Variants in GTF2I observed in about 807,000 individuals in gnomAD.
The protein encoded by GTF2I is general transcription factor II-I.
In GTF2I, 12 loss-of-function variants were observed where a neutral mutation model predicts 67.6. The ratio of observed to expected loss-of-function variants is 0.18; its 90% CI spans 0.11 to 0.29. The LOEUF (loss-of-function observed/expected upper bound fraction) is 0.29. Ranked by LOEUF, GTF2I falls within the 10% of genes least tolerant of loss-of-function variation. GTF2I has a pLI of 1.00. For synonymous variants in GTF2I, 149 were observed against 197.0 expected, an observed-to-expected ratio of 0.76 and a Z score of 2.04; for missense variants, 271 against 580.1, an observed-to-expected ratio of 0.47 and a Z score of 5.47.
intron 1 of GTF2I, among the ~76,000 whole-genome samples, chr7:74,676,584 GA>G (rs1253359306): frequency 2.8e-4 from 42 of 151,346 alleles, no homozygotes; most frequent in African/African-American, 6.6e-4. Flanking sequence ...CACATGTCTA[GA>G]AAAAAAAATT....
chr7:74,727,832 G>A (rs1794047709), intron 12 of GTF2I: 1 of 152,216 alleles, frequency 6.6e-6, no homozygotes, highest in African/African-American at 2.4e-5. Flanking sequence ...AGTTCCTGGT[G>A]TATCCACAAG....
Position 74,753,901 on chromosome 7 carries a change from TA to T in GTF2I, c.2699del (p.Asn900ThrfsTer6). 3.0e-6 allele frequency: 1 copy of T among 327,910 alleles called. No individual in the cohort carries two copies. Among genetic ancestry groups the T allele is most frequent in the Non-Finnish European group, 4.0e-6 (1 of 247,532 alleles). 20.3% of individuals were successfully genotyped at this position (327,910 alleles called of 1,614,324 possible). A position where few individuals can be genotyped will look rare whatever the true frequency, so the allele number is the denominator to read the frequency against. On this transcript the variant is annotated frameshift_variant, in exon 30 of 35. Transcript: ENST00000573035. LOFTEE classifies it high-confidence loss of function. ...AAGTTCCCTACAGGAAAATCACAAT[TA>T]ACCCTGGCTGTGTGGTAGTTGATGG... is the stretch of plus-strand genomic sequence containing the variant. ...VKVPYRKITI[N>X]PGCVVVDGMP...
chr7:74,699,367 A>T (rs191763001), intron 4 of GTF2I: 1 of 173,872 alleles, frequency 5.8e-6, no homozygotes, highest in Non-Finnish European at 1.2e-5. Context: ...ATCTCAGCTC[A>T]CTGCAATCTC....
At chr7:74,749,843 G>A (rs1269079518) in intron 26 of GTF2I, among the ~76,000 whole-genome samples, 28 of 132,884 alleles carry the variant, frequency 2.1e-4, no homozygotes, top group African/African-American at 7.0e-4. Flanking sequence ...AGCCAAGATC[G>A]TGCCACTGCA....
At chr7:74,703,672 G>T (rs782309169) in intron 6 of GTF2I, among the ~76,000 whole-genome samples, 1 of 152,162 alleles carries the variant, frequency 6.6e-6, no homozygotes, top group East Asian at 1.9e-4. Context: ...GAGCCACTGC[G>T]CCTGGCCCTC....
chr7:74,674,449 C>A (rs1410538569), intron 1 of GTF2I, among the ~76,000 whole-genome samples: 1 of 152,154 alleles, frequency 6.6e-6, no homozygotes, highest in Non-Finnish European at 1.5e-5. Flanking sequence ...TAGAGACTTG[C>A]ATTCAAGTTC....
In GTF2I at chr7:74,691,123, A is replaced by G. The variant is rs1355808907; in HGVS notation, c.238+12A>G. On this transcript the variant is annotated intron_variant, in intron 3 of 34. Coordinates refer to ENST00000573035, the MANE Select transcript of GTF2I (RefSeq NM_032999.4). Reference sequence around the variant, plus strand: ...TTTTGTAAAATATTGTAAGCATTGTATTTTTATCTTTTGCATTTCATTAAT... The same window carrying G: ...TTTTGTAAAATATTGTAAGCATTGTGTTTTTATCTTTTGCATTTCATTAAT... 1.9e-6 allele frequency: 3 copies of G among 1,552,910 alleles called. No individual in the cohort carries two copies. Among genetic ancestry groups the G allele is most frequent in the African/African-American group, 1.4e-5 (1 of 73,204 alleles).
Position 74,718,883 on chromosome 7 carries a change from T to C in GTF2I, c.885T>C (p.Ser295=), listed in dbSNP as rs1792586462. 6.6e-7 allele frequency: 1 copy of C among 1,523,466 alleles called. No homozygotes were observed. Among genetic ancestry groups the C allele is most frequent in the Non-Finnish European group, 9.0e-7 (1 of 1,113,122 alleles). The allele number at this position is 1,523,466 out of a possible 1,614,324, so 94.4% of individuals were successfully genotyped here. A position where few individuals can be genotyped will look rare whatever the true frequency, so the allele number is the denominator to read the frequency against. The stretch of plus-strand genomic sequence containing the variant: ...TAGAATTTTATTTTTTTCAAGATTC[T>C]ACTCAACATGTCCCTTCAGAAACAA... ...GTEMEVPAED[S]TQHVPSETSE... is the part of the protein sequence containing the mutation. The change falls in exon 12 of 35, where the codon TCT becomes TCC. Residue 295 remains serine (S), a synonymous_variant. Transcript: ENST00000573035.
intron 12 of GTF2I, among the ~76,000 whole-genome samples, chr7:74,724,889 C>T (rs1793558677): frequency 6.6e-6 from 1 of 152,172 alleles, no homozygotes; most frequent in Non-Finnish European, 1.5e-5. Flanking sequence ...CCACTGCCCA[C>T]TGCACTCCCA....
At chr7:74,691,223 T>G (rs1788267394) in intron 3 of GTF2I, 112 bp downstream of exon 3, 2 of 780,548 alleles carry the variant, frequency 2.6e-6, no homozygotes, top group Non-Finnish European at 3.9e-6. Flanking sequence ...TTTTTTTTTT[T>G]GAGATGGAGT....
chr7:74,703,689 G>A (rs1299363897), intron 6 of GTF2I, among the ~76,000 whole-genome samples: 1 of 152,156 alleles, frequency 6.6e-6, no homozygotes, highest in Non-Finnish European at 1.5e-5. Context: ...CCTCACTTAA[G>A]CTTTTGACTT....
In GTF2I at chr7:74,689,197, G is replaced by A. The variant is rs1186001613; in HGVS notation, c.69G>A (p.Val23=). The change falls in exon 2 of 35, where the codon GTG becomes GTA. Residue 23 remains valine (V), a synonymous_variant. Coordinates refer to ENST00000573035, the MANE Select transcript of GTF2I (RefSeq NM_032999.4). ...AGTCCTCGGAGAGCAGGATGGTGGT[G>A]ACATTCCTCATGTCAGCTCTCGAGT... The part of the protein sequence containing the change: ...DEESSESRMV[V]TFLMSALESM... The A allele has an allele frequency of 6.2e-7, 1 of 1,611,078 alleles. No individual in the cohort carries two copies. The highest frequency in any genetic ancestry group is 8.5e-7 in the Non-Finnish European group (1 of 1,177,580).
chr7:74,689,457 C>T (rs888506790), intron 2 of GTF2I, among the ~76,000 whole-genome samples: 3 of 145,660 alleles, frequency 2.1e-5, no homozygotes, highest in Admixed American at 7.1e-5. Flanking sequence ...CGGGTTCAAG[C>T]GATTCTCCTG....
At chr7:74,701,014 GA>G (rs1365274789) in intron 6 of GTF2I, among the ~76,000 whole-genome samples, 19 of 152,352 alleles carry the variant, frequency 1.2e-4, no homozygotes, top group Admixed American at 9.1e-4. Flanking sequence ...TCTCACGGAA[GA>G]GAGAAAATTC....
intron 8 of GTF2I, among the ~76,000 whole-genome samples, 175 bp downstream of exon 8, chr7:74,706,608 G>C (rs911586483): frequency 2.0e-5 from 3 of 152,102 alleles, no homozygotes; most frequent in Admixed American, 1.3e-4. Flanking sequence ...GACCCAGAAA[G>C]GTAATTTGCT....
At chr7:74,721,510 G>A (rs587716382) in intron 12 of GTF2I, among the ~76,000 whole-genome samples, 97 of 152,014 alleles carry the variant, frequency 6.4e-4, no homozygotes, top group African/African-American at 2.0e-3. Flanking sequence ...CATGTCATAT[G>A]TGCATATACA....
At chr7:74,748,597 A>AT (rs1319229942) in intron 24 of GTF2I, among the ~76,000 whole-genome samples, 1 of 149,810 alleles carries the variant, frequency 6.7e-6, no homozygotes, top group Non-Finnish European at 1.5e-5. Flanking sequence ...AAGATTATGC[A>AT]TTTTTTATTT....
intron 10 of GTF2I, 85 bp downstream of exon 10, chr7:74,715,001 T>C: frequency 1.3e-6 from 1 of 761,970 alleles, no homozygotes; most frequent in African/African-American, 1.8e-5. Context: ...TTAATATTTA[T>C]AAGTACAGTA....
intron 1 of GTF2I, among the ~76,000 whole-genome samples, chr7:74,688,209 G>C (rs587655770): frequency 6.6e-6 from 1 of 152,124 alleles, no homozygotes; most frequent in South Asian, 2.1e-4. Flanking sequence ...CTCTTGAGTA[G>C]CCGGGATTAC....
Sources: gnomAD v4.1 joint callset for allele counts (sites outside exome capture counted in the v4.1 genomes callset) on GRCh38, gnomAD v4.1.1 for gene constraint, MANE v1.5 for transcripts, NCBI Gene and HGNC (gene_info 2026-07-23, HGNC 2026-07-21) for gene names.